The following XKR3 variants were observed in gnomAD, a reference collection of about 807,000 sequenced individuals.
XKR3 encodes the protein XK-related protein 3.
Under a neutral mutation model 40.3 loss-of-function variants are expected in XKR3, and 27 were observed. That is an observed-to-expected ratio of 0.67 (90% CI 0.49 to 0.92). The LOEUF is 0.92. Ranked by LOEUF, XKR3 falls within the 40% of genes least tolerant of loss-of-function variation. XKR3 has a pLI of 0.00. For missense variants in XKR3, 472 were observed against 537.6 expected, an observed-to-expected ratio of 0.88 and a Z score of 1.21; for synonymous variants, 193 against 195.4, an observed-to-expected ratio of 0.99 and a Z score of 0.10.
intron 3 of XKR3, among the ~76,000 whole-genome samples, chr22:16,795,871 G>A (rs1374452092): frequency 2.0e-5 from 3 of 152,088 alleles, no homozygotes; most frequent in Non-Finnish European, 4.4e-5. Context: ...GGGGGCTGAG[G>A]CATGAGAATT....
intron 1 of XKR3, among the ~76,000 whole-genome samples, chr22:16,822,678 C>A (rs1412103570): frequency 1.3e-5 from 2 of 152,092 alleles, no homozygotes; most frequent in Admixed American, 1.3e-4. Context: ...TAATATCAGA[C>A]AAAGTAGAGC....
chr22:16,792,627 C>T (rs1458214874), intron 3 of XKR3, among the ~76,000 whole-genome samples: 62 of 152,322 alleles, frequency 4.1e-4, no homozygotes, highest in African/African-American at 1.4e-3. Flanking sequence ...TGTCAAATAT[C>T]TATTGATTTG....
chr22:16,816,408 T>C (rs2060233704), intron 1 of XKR3, among the ~76,000 whole-genome samples: 1 of 151,850 alleles, frequency 6.6e-6, no homozygotes, highest in Non-Finnish European at 1.5e-5. Flanking sequence ...TTTTCCTGGT[T>C]TTGACATTAA....
chr22:16,820,075 C>G lies in XKR3; in HGVS notation c.-11+5216G>C, dbSNP rs533288699. On this transcript the variant is annotated intron_variant, in intron 1 of 3. Coordinates refer to ENST00000684488, the MANE Select transcript of XKR3 (RefSeq NM_001386955.1). ...ATGTAGAAATAACAAGCCACTCATG[C>G]GTTGTTTGGTGGCATGTAAAATGGT... is the stretch of plus-strand genomic sequence containing the variant. 3.3e-5 allele frequency among the ~76,000 whole-genome samples: 5 copies of G among 152,194 alleles called. No individual in the cohort carries two copies. In the East Asian group the frequency reaches 7.7e-4, roughly 23 times the overall value.
chr22:16,822,613 G>A (rs2060261550), intron 1 of XKR3, among the ~76,000 whole-genome samples: 1 of 152,066 alleles, frequency 6.6e-6, no homozygotes, highest in African/African-American at 2.4e-5. Flanking sequence ...CGGAAGAGAT[G>A]GAATAAAGCT....
In XKR3 at chr22:16,783,756, T is replaced by A; in HGVS notation, c.1243A>T (p.Asn415Tyr). 6.2e-7 allele frequency: 1 copy of A among 1,614,204 alleles called. No homozygotes were observed. The change falls in exon 4 of 4, where the codon AAT (asparagine) becomes TAT (tyrosine). Residue 415 changes from asparagine (N) to tyrosine (Y), a missense_variant. Transcript: ENST00000684488. ...SGKVLPGRTE[N>Y]QPEAPYYYVN... Reference sequence around the variant, plus strand: ...TAATAGTACGGTGCTTCTGGCTGATTTTCAGTACGTCCTGGCAACACTTTG... The same window carrying A: ...TAATAGTACGGTGCTTCTGGCTGATATTCAGTACGTCCTGGCAACACTTTG...
intron 1 of XKR3, among the ~76,000 whole-genome samples, chr22:16,820,062 C>T (rs2060249307): frequency 6.6e-6 from 1 of 152,114 alleles, no homozygotes; most frequent in African/African-American, 2.4e-5. Flanking sequence ...GTAGAAATAA[C>T]AAGCCACTCA....
rs775589220 is a variant in XKR3 at position 16,817,662 on chromosome 22, T to G, written c.-11+7629A>C. Among the ~76,000 whole-genome samples, 4 of 152,200 alleles carry G rather than the reference T, an allele frequency of 2.6e-5. No individual in the cohort carries two copies. The East Asian group carries it at 7.7e-4, about 29-fold the overall frequency. On this transcript the variant is annotated intron_variant, in intron 1 of 3. Coordinates refer to ENST00000684488, the MANE Select transcript of XKR3 (RefSeq NM_001386955.1). ...TATCCACATTTACTCCTCAGTTGAC[T>G]ATTTCAATGAACTATCCAGTTTATC...
intron 3 of XKR3, among the ~76,000 whole-genome samples, chr22:16,791,340 T>C (rs1440486120): frequency 2.1e-4 from 32 of 151,428 alleles, no homozygotes; most frequent in Non-Finnish European, 3.8e-4. Context: ...TCTGTGGATA[T>C]AGAGAGTGAA....
intron 1 of XKR3, among the ~76,000 whole-genome samples, chr22:16,823,031 A>T (rs9606477): frequency 0.44 from 67,530 of 151,852 alleles, 15,360 homozygotes; most frequent in Non-Finnish European, 0.46. Context: ...CCACAGGTGC[A>T]TGCCACCATG....
At chr22:16,789,744 G>C (rs2060105955) in intron 3 of XKR3, among the ~76,000 whole-genome samples, 1 of 152,138 alleles carries the variant, frequency 6.6e-6, no homozygotes, top group African/African-American at 2.4e-5. Context: ...CATAGGTTTG[G>C]GGAGTGAACC....
chr22:16,798,444 C>T (rs2060152075), intron 3 of XKR3, among the ~76,000 whole-genome samples: 1 of 152,118 alleles, frequency 6.6e-6, no homozygotes, highest in Non-Finnish European at 1.5e-5. Flanking sequence ...ACAGAGCTAC[C>T]ATTTCAACCC....
At chr22:16,787,496 T>G (rs1199429786) in intron 3 of XKR3, among the ~76,000 whole-genome samples, 1 of 148,530 alleles carries the variant, frequency 6.7e-6, no homozygotes, top group African/African-American at 2.5e-5. Flanking sequence ...GACACGGAGG[T>G]TGCATTGAGC....
intron 3 of XKR3, among the ~76,000 whole-genome samples, chr22:16,798,449 C>T (rs538201185): frequency 1.3e-5 from 2 of 152,274 alleles, no homozygotes; most frequent in South Asian, 4.1e-4. Flanking sequence ...GCTACCATTT[C>T]AACCCAGCAA....
intron 1 of XKR3, among the ~76,000 whole-genome samples, chr22:16,819,660 A>G (rs1273350758): frequency 1.3e-5 from 2 of 152,160 alleles, no homozygotes; most frequent in Non-Finnish European, 2.9e-5. Context: ...CTTTTTAGGA[A>G]ACTTTAAAAA....
At chr22:16,801,227 G>A (rs962290034) in intron 2 of XKR3, among the ~76,000 whole-genome samples, 2 of 149,934 alleles carry the variant, frequency 1.3e-5, no homozygotes, top group African/African-American at 2.4e-5. Flanking sequence ...ATCCTAGGCA[G>A]AAAAGATTTA....
chr22:16,798,213 C>T (rs1353265625), intron 3 of XKR3, among the ~76,000 whole-genome samples: 1 of 151,492 alleles, frequency 6.6e-6, no homozygotes, highest in Admixed American at 6.6e-5. Flanking sequence ...CAAAAACCCC[C>T]ACAATTTCAG....
rs568211498 is a variant in XKR3 at position 16,798,178 on chromosome 22, C to G, written c.589+1593G>C. 1.8e-4 allele frequency among the ~76,000 whole-genome samples: 22 copies of G among 121,002 alleles called. 1 individual carries two copies. In the South Asian group the frequency reaches 5.8e-3, roughly 32 times the overall value. 79.4% of individuals were successfully genotyped at this position (121,002 alleles called of 152,430 possible). ...CTTGGCAACAAGAGTGAAACTCCAT[C>G]TCAAAAAAAAAAAAACAACAACAAC... On this transcript the variant is annotated intron_variant, in intron 3 of 3. Coordinates refer to ENST00000684488, the MANE Select transcript of XKR3 (RefSeq NM_001386955.1).
At chr22:16,786,250 ACG>A (rs1482568180) in intron 3 of XKR3, among the ~76,000 whole-genome samples, 9 of 144,682 alleles carry the variant, frequency 6.2e-5, no homozygotes, top group East Asian at 2.1e-4. Context: ...TATCTACAAA[ACG>A]CGTGCACACA....
Sources: allele counts gnomAD v4.1 joint callset (sites outside exome capture counted in the v4.1 genomes callset), GRCh38; gene constraint gnomAD v4.1.1; transcripts MANE v1.5; gene names NCBI Gene and HGNC (gene_info 2026-07-23, HGNC 2026-07-21).